Variants in FAM227B observed in about 807,000 individuals in gnomAD.
FAM227B encodes the protein protein FAM227B.
Under a neutral mutation model 73.8 loss-of-function variants are expected in FAM227B, and 88 were observed. That is an observed-to-expected ratio of 1.19 (90% CI 1.00 to 1.42). The LOEUF (loss-of-function observed/expected upper bound fraction) is 1.42. Ranked by LOEUF, FAM227B falls within the 40% of genes most tolerant of loss-of-function variation. The pLI is 0.00. For synonymous variants in FAM227B, 210 were observed against 190.5 expected, an observed-to-expected ratio of 1.10 and a Z score of -0.84; for missense variants, 632 against 590.9, an observed-to-expected ratio of 1.07 and a Z score of -0.72.
chr15:49,560,828 C>G (rs1260608161), intron 9 of FAM227B, among the ~76,000 whole-genome samples: 2 of 152,084 alleles, frequency 1.3e-5, no homozygotes, highest in Non-Finnish European at 2.9e-5. Context: ...CAAGCAATCA[C>G]TAAGGTAATT....
chr15:49,480,865 T>A (rs2055882080), intron 11 of FAM227B, among the ~76,000 whole-genome samples: 1 of 152,160 alleles, frequency 6.6e-6, no homozygotes, highest in African/African-American at 2.4e-5. Flanking sequence ...AGAGGGGCAA[T>A]ATGAACTTAT....
chr15:49,614,995 A>G, intron 2 of FAM227B, 126 bp downstream of exon 2: 1 of 824,030 alleles, frequency 1.2e-6, no homozygotes, highest in Middle Eastern at 2.5e-4. Context: ...GCGAGCATTA[A>G]GACCTAGACC....
chr15:49,611,072 CA>C (rs1424664857), intron 3 of FAM227B, 142 bp downstream of exon 3: 4 of 527,804 alleles, frequency 7.6e-6, no homozygotes, highest in African/African-American at 5.7e-5. Context: ...ACTCAAAGGA[CA>C]TAAGTATTTA....
chr15:49,521,946 C>G (rs533289175), intron 10 of FAM227B, among the ~76,000 whole-genome samples: 1 of 152,250 alleles, frequency 6.6e-6, no homozygotes, highest in South Asian at 2.1e-4. Context: ...CACTCATTAT[C>G]AAGATACTGG....
intron 11 of FAM227B, among the ~76,000 whole-genome samples, chr15:49,433,078 T>C (rs534315668): frequency 3.3e-5 from 5 of 151,344 alleles, no homozygotes; most frequent in Admixed American, 6.6e-5. Context: ...ATTTACTGGC[T>C]AAAAATTATT....
intron 11 of FAM227B, among the ~76,000 whole-genome samples, chr15:49,475,606 AT>A (rs1308588878): frequency 3.0e-5 from 4 of 133,456 alleles, no homozygotes; most frequent in African/African-American, 9.3e-5. Flanking sequence ...TATTTATTAA[AT>A]TTATTAATTT....
At chr15:49,577,700 AAATT>A (rs777401062) in intron 5 of FAM227B, 36 bp from the exon 6 acceptor site, 2 of 1,296,502 alleles carry the variant, frequency 1.5e-6, no homozygotes, top group Non-Finnish European at 2.2e-6. Flanking sequence ...TTAAAACTCT[AAATT>A]AAAGAAATTT....
At chr15:49,557,150 C>A (rs1206632657) in intron 9 of FAM227B, among the ~76,000 whole-genome samples, 1 of 152,200 alleles carries the variant, frequency 6.6e-6, no homozygotes, top group Non-Finnish European at 1.5e-5. Flanking sequence ...CACAAGTCTT[C>A]CCAGTGTCCC....
At chr15:49,355,294 G>A (rs898108091) in intron 13 of FAM227B, among the ~76,000 whole-genome samples, 5 of 152,314 alleles carry the variant, frequency 3.3e-5, no homozygotes, top group African/African-American at 9.6e-5. Context: ...ATTACTCTGA[G>A]CTACGGGAGG....
chr15:49,418,314 T>C lies in FAM227B; in HGVS notation c.1013-46915A>G, dbSNP rs186902110. Among the ~76,000 whole-genome samples, 12 of 152,306 alleles carry C rather than the reference T, an allele frequency of 7.9e-5. No individual in the cohort carries two copies. The East Asian group carries it at 2.3e-3, about 29-fold the overall frequency. ...GACCCAGCAATCCTATTACTGGGTA[T>C]GTACCCAAAGGAATATAAATCATTC... On this transcript the variant is annotated intron_variant, in intron 11 of 15. Coordinates refer to ENST00000299338, the MANE Select transcript of FAM227B (RefSeq NM_152647.3).
intron 8 of FAM227B, among the ~76,000 whole-genome samples, chr15:49,571,495 T>G (rs2152362451): frequency 6.6e-6 from 1 of 152,132 alleles, no homozygotes; most frequent in African/African-American, 2.4e-5. Context: ...GATCTGATAT[T>G]TAAGTCTTTA....
intron 11 of FAM227B, among the ~76,000 whole-genome samples, chr15:49,418,781 TCAAAAAAAGA>T (rs1215572277): frequency 1.3e-5 from 2 of 148,214 alleles, no homozygotes; most frequent in African/African-American, 4.9e-5. Flanking sequence ...ACCTAAAAGA[TCAAAAAAAGA>T]AAAAAAAAGA....
intron 11 of FAM227B, among the ~76,000 whole-genome samples, chr15:49,406,372 G>A (rs1429068580): frequency 2.0e-5 from 3 of 152,280 alleles, no homozygotes; most frequent in African/African-American, 7.2e-5. Context: ...GGACTGATGG[G>A]TTGGGGGGCA....
chr15:49,572,258 T>C (rs985019182), intron 8 of FAM227B, among the ~76,000 whole-genome samples: 5 of 152,070 alleles, frequency 3.3e-5, no homozygotes. Context: ...TTTAGGATTT[T>C]CTGTATATAA....
intron 11 of FAM227B, among the ~76,000 whole-genome samples, chr15:49,416,427 A>C (rs2049215790): frequency 6.6e-6 from 1 of 152,108 alleles, no homozygotes; most frequent in Non-Finnish European, 1.5e-5. Context: ...GACATCTCTG[A>C]GAATGTAGTA....
At chr15:49,445,947 A>T (rs1198586552) in intron 11 of FAM227B, among the ~76,000 whole-genome samples, 2 of 151,602 alleles carry the variant, frequency 1.3e-5, no homozygotes, top group Non-Finnish European at 3.0e-5. Flanking sequence ...ATGCCCAAGT[A>T]TCAGACTTCC....
chr15:49,402,816 G>A (rs1464682404), intron 11 of FAM227B, among the ~76,000 whole-genome samples: 2 of 152,134 alleles, frequency 1.3e-5, no homozygotes, highest in African/African-American at 4.8e-5. Flanking sequence ...CCAATGCTAT[G>A]TTGAATAGGA....
chr15:49,332,089 A>C (rs79670915), intron 14 of FAM227B, among the ~76,000 whole-genome samples: 533 of 21,164 alleles, frequency 0.025, 5 homozygotes, highest in African/African-American at 0.12. Flanking sequence ...CACACGTGCC[A>C]CACACACACA....
intron 11 of FAM227B, among the ~76,000 whole-genome samples, chr15:49,419,582 T>C (rs1460296297): frequency 6.6e-6 from 1 of 152,126 alleles, no homozygotes; most frequent in East Asian, 1.9e-4. Flanking sequence ...ATTCTGATCA[T>C]GTCACTCTTC....
Sources: gnomAD v4.1 joint callset for allele counts (sites outside exome capture counted in the v4.1 genomes callset) on GRCh38, gnomAD v4.1.1 for gene constraint, MANE v1.5 for transcripts, NCBI Gene and HGNC (gene_info 2026-07-23, HGNC 2026-07-21) for gene names.